Variants in SLC35F3 observed in about 807,000 individuals in gnomAD.
SLC35F3 encodes putative thiamine transporter SLC35F3.
SLC35F3 carries 25 observed loss-of-function variants against 49.9 expected under a neutral mutation model. That is an observed-to-expected ratio of 0.50 (90% CI 0.37 to 0.70). The LOEUF is 0.70. Ranked by LOEUF, SLC35F3 falls within the 30% of genes least tolerant of loss-of-function variation. The pLI is 0.00. For missense variants in SLC35F3, 525 were observed against 639.8 expected (o/e 0.82, Z 1.94); for synonymous variants, 275 against 265.4 (o/e 1.04, Z -0.35).
chr1:234,044,155 C>G (rs1664259184), intron 2 of SLC35F3, among the ~76,000 whole-genome samples: 1 of 152,170 alleles, frequency 6.6e-6, no homozygotes, highest in South Asian at 2.1e-4. Context: ...TTAGTTTCTG[C>G]AAGATAGTGT....
intron 2 of SLC35F3, among the ~76,000 whole-genome samples, chr1:234,172,374 G>A (rs543430053): frequency 4.3e-4 from 65 of 152,232 alleles, no homozygotes; most frequent in African/African-American, 1.2e-3. Flanking sequence ...CTACAGGTGC[G>A]TGCCACCACG....
intron 2 of SLC35F3, among the ~76,000 whole-genome samples, chr1:234,136,287 CTTTA>C (rs913539881): frequency 3.3e-5 from 5 of 151,066 alleles, no homozygotes; most frequent in Admixed American, 6.6e-5. Flanking sequence ...TTTCTCTCTT[CTTTA>C]TTTTTCTTTC....
intron 3 of SLC35F3, among the ~76,000 whole-genome samples, chr1:234,272,058 A>G (rs1668116271): frequency 6.6e-6 from 1 of 152,200 alleles, no homozygotes; most frequent in Non-Finnish European, 1.5e-5. Context: ...CTCAGGATGC[A>G]GAGGCTGTAG....
At chr1:234,307,345 G>A (rs571054350) in intron 3 of SLC35F3, among the ~76,000 whole-genome samples, 2 of 152,274 alleles carry the variant, frequency 1.3e-5, no homozygotes, top group South Asian at 4.1e-4. Flanking sequence ...GAGAGAGGTG[G>A]CCAAACTGCA....
chr1:233,959,759 G>A (rs1411603624), intron 2 of SLC35F3, among the ~76,000 whole-genome samples: 3 of 152,164 alleles, frequency 2.0e-5, no homozygotes, highest in African/African-American at 7.2e-5. Flanking sequence ...TTTCTTTGTT[G>A]GTGGCAGAGT....
At chr1:234,066,285 G>A (rs1373829613) in intron 2 of SLC35F3, among the ~76,000 whole-genome samples, 3 of 151,944 alleles carry the variant, frequency 2.0e-5, no homozygotes. Context: ...CTGCTATAGC[G>A]ATTCCCATCT....
At position 234,124,381 on chromosome 1, in the gene SLC35F3, G is replaced by A. The variant is rs141055070; in HGVS notation, c.284-107036G>A. 2.0e-3 allele frequency among the ~76,000 whole-genome samples: 309 copies of A among 152,274 alleles called. 4 individuals carry two copies. The highest frequency in any genetic ancestry group is 7.3e-3 in the African/African-American group (302 of 41,548). ...AGCTCACATTTATACATTTTCAAAGGTGAATAGAGAAGATTTAGGGAGAAA... is the reference window on the plus strand; with the variant it reads ...AGCTCACATTTATACATTTTCAAAGATGAATAGAGAAGATTTAGGGAGAAA... On this transcript the variant is annotated intron_variant, in intron 2 of 7. Coordinates refer to ENST00000366618, the MANE Select transcript of SLC35F3 (RefSeq NM_173508.4).
intron 2 of SLC35F3, among the ~76,000 whole-genome samples, chr1:233,969,139 T>C (rs1001880461): frequency 2.6e-5 from 4 of 152,082 alleles, no homozygotes; most frequent in African/African-American, 9.7e-5. Context: ...TGTTGCCTAA[T>C]TTTTCCTCCT....
intron 2 of SLC35F3, among the ~76,000 whole-genome samples, chr1:234,061,885 T>A (rs1664546619): frequency 6.6e-6 from 1 of 152,226 alleles, no homozygotes; most frequent in African/African-American, 2.4e-5. Context: ...TTTTAAAACA[T>A]GGTTTCTTTT....
At chr1:234,282,011 G>A (rs1292308024) in intron 3 of SLC35F3, among the ~76,000 whole-genome samples, 1 of 146,812 alleles carries the variant, frequency 6.8e-6, no homozygotes, top group Non-Finnish European at 1.5e-5. Flanking sequence ...CATGTCCCCT[G>A]GTACGTCTTG....
intron 2 of SLC35F3, among the ~76,000 whole-genome samples, chr1:234,138,602 C>G (rs980463385): frequency 2.6e-5 from 4 of 152,190 alleles, no homozygotes; most frequent in Non-Finnish European, 5.9e-5. Context: ...GTCATCCAGG[C>G]TGGAGTGCAG....
intron 2 of SLC35F3, among the ~76,000 whole-genome samples, chr1:234,121,589 G>T (rs1665574907): frequency 6.6e-6 from 1 of 151,434 alleles, no homozygotes; most frequent in African/African-American, 2.4e-5. Flanking sequence ...TATACTTTAA[G>T]TTCTAGGGTA....
At chr1:233,920,606 C>T (rs552124278) in intron 2 of SLC35F3, among the ~76,000 whole-genome samples, 1 of 152,330 alleles carries the variant, frequency 6.6e-6, no homozygotes, top group East Asian at 1.9e-4. Context: ...AATCACCTCC[C>T]CTTGAGTGTG....
intron 2 of SLC35F3, among the ~76,000 whole-genome samples, chr1:233,942,046 C>T (rs1404991661): frequency 6.6e-6 from 1 of 150,858 alleles, no homozygotes; most frequent in African/African-American, 2.4e-5. Flanking sequence ...CTGCAACCTC[C>T]ACCTCCCAGG....
intron 3 of SLC35F3, among the ~76,000 whole-genome samples, chr1:234,283,176 C>T (rs144016894): frequency 1.5e-4 from 23 of 152,308 alleles, no homozygotes; most frequent in Middle Eastern, 3.4e-3. Flanking sequence ...CTCTTCATCC[C>T]GTGCAGGGCC....
At chr1:234,268,211 G>T (rs375362733) in intron 3 of SLC35F3, among the ~76,000 whole-genome samples, 1 of 152,176 alleles carries the variant, frequency 6.6e-6, no homozygotes, top group African/African-American at 2.4e-5. Flanking sequence ...CCGGCACCTC[G>T]GGAGGCCGAG....
chr1:234,236,924 A>T (rs112122270), intron 3 of SLC35F3, among the ~76,000 whole-genome samples: 231 of 16,230 alleles, frequency 0.014, 2 homozygotes, highest in African/African-American at 0.046. Flanking sequence ...TAAAAAAAAA[A>T]TTATATATAT....
At chr1:234,284,707 C>G (rs1668390011) in intron 3 of SLC35F3, among the ~76,000 whole-genome samples, 1 of 152,172 alleles carries the variant, frequency 6.6e-6, no homozygotes, top group African/African-American at 2.4e-5. Flanking sequence ...ATGCCTGGCC[C>G]TTCCAAATGC....
intron 2 of SLC35F3, among the ~76,000 whole-genome samples, chr1:234,158,658 T>G (rs1249043648): frequency 6.6e-6 from 1 of 152,242 alleles, no homozygotes; most frequent in Non-Finnish European, 1.5e-5. Context: ...GGTTTAATAT[T>G]TGCATACCTT....
Sources: gnomAD v4.1 joint callset for allele counts (sites outside exome capture counted in the v4.1 genomes callset) on GRCh38, gnomAD v4.1.1 for gene constraint, MANE v1.5 for transcripts, NCBI Gene and HGNC (gene_info 2026-07-23, HGNC 2026-07-21) for gene names.